Variants in NIM1K observed in about 807,000 individuals in gnomAD.
NIM1K encodes the protein NIM1 serine/threonine protein kinase.
NIM1K carries 35 observed loss-of-function variants against 37.1 expected under a neutral mutation model. The ratio of observed to expected loss-of-function variants is 0.94; its 90% confidence interval spans 0.72 to 1.25. The LOEUF (loss-of-function observed/expected upper bound fraction) is 1.25. Among genes scored for constraint, NIM1K ranks in the 50% most tolerant of loss-of-function variants. The probability of loss-of-function intolerance (pLI) is 0.00; values close to 1 mark genes in which losing one functional copy is unlikely to be tolerated. For synonymous variants in NIM1K, 234 were observed against 206.6 expected, an observed-to-expected ratio of 1.13 and a Z score of -1.14; for missense variants, 564 against 548.0, an observed-to-expected ratio of 1.03 and a Z score of -0.29.
At chr5:43,232,790 G>A (rs1729595327) in intron 1 of NIM1K, 2 of 1,078,726 alleles carry the variant, frequency 1.9e-6, no homozygotes, top group African/African-American at 3.1e-5. Context: ...TCCATGCACT[G>A]TTCAGCCAGT....
intron 1 of NIM1K, among the ~76,000 whole-genome samples, chr5:43,201,549 T>C (rs1752020606): frequency 6.6e-6 from 1 of 152,212 alleles, no homozygotes; most frequent in South Asian, 2.1e-4. Context: ...TGATTGGATC[T>C]AAGAGCATTC....
intron 1 of NIM1K, among the ~76,000 whole-genome samples, chr5:43,219,628 CTTACAGAT>C (rs1376669020): frequency 6.6e-6 from 1 of 152,186 alleles, no homozygotes; most frequent in Non-Finnish European, 1.5e-5. Flanking sequence ...AGTTGTGTTA[CTTACAGAT>C]TCCATATACA....
Position 43,237,652 on chromosome 5 carries a change from G to A in NIM1K, c.-694-7430G>A, listed in dbSNP as rs554444697. On this transcript the variant is annotated intron_variant, in intron 1 of 3. Coordinates refer to ENST00000326035, the MANE Select transcript of NIM1K (RefSeq NM_153361.4). The stretch of plus-strand genomic sequence containing the variant: ...ACTATTTAGAGCAACCCCACAACCT[G>A]TGCTTCAGAACTCCTATTTCTAGAT... Among the ~76,000 whole-genome samples the A allele has an allele frequency of 5.9e-5, 9 of 152,266 alleles. No individual in the cohort carries two copies. In the East Asian group the frequency reaches 1.7e-3, roughly 29 times the overall value.
intron 2 of NIM1K, among the ~76,000 whole-genome samples, chr5:43,268,993 T>C (rs1285833742): frequency 1.3e-5 from 2 of 151,994 alleles, no homozygotes; most frequent in Non-Finnish European, 2.9e-5. Context: ...TGCTTTAAAG[T>C]CTGTTTTATT....
intron 2 of NIM1K, among the ~76,000 whole-genome samples, chr5:43,258,134 T>C (rs1752973874): frequency 6.6e-6 from 1 of 152,160 alleles, no homozygotes; most frequent in African/African-American, 2.4e-5. Context: ...GTAACCACTA[T>C]TCTGACTTCT....
chr5:43,275,122 T>A (rs1753319004), intron 2 of NIM1K, among the ~76,000 whole-genome samples: 1 of 152,236 alleles, frequency 6.6e-6, no homozygotes, highest in Non-Finnish European at 1.5e-5. Flanking sequence ...AGGAAAACCA[T>A]CTGTGATCTG....
At chr5:43,278,894 A>G (rs1346851536) in intron 3 of NIM1K, among the ~76,000 whole-genome samples, 1 of 152,184 alleles carries the variant, frequency 6.6e-6, no homozygotes, top group African/African-American at 2.4e-5. Flanking sequence ...TATATGACCA[A>G]TCATCATTTA....
Position 43,280,546 on chromosome 5 carries a change from G to C in NIM1K, c.1128G>C (p.Gly376=), listed in dbSNP as rs769890127. 1 of 1,614,144 alleles carries C rather than the reference G, an allele frequency of 6.2e-7. No individual in the cohort carries two copies. Among genetic ancestry groups the C allele is most frequent in the Non-Finnish European group, 8.5e-7 (1 of 1,180,010 alleles). Residue 376 remains glycine (G), a synonymous_variant, in exon 4 of 4, where the codon GGG becomes GGC. Coordinates refer to ENST00000326035, the MANE Select transcript of NIM1K (RefSeq NM_153361.4). ...AAGAGCATATTCGAAATAACCAAGG[G>C]AGAGATGCTCGCAGCTCAATCACAG... ...ITEEHIRNNQ[G]RDARSSITGV...
At position 43,209,974 on chromosome 5, in the gene NIM1K, T is replaced by C. The variant is rs116630053; in HGVS notation, c.-695+17563T>C. 5.1e-3 allele frequency among the ~76,000 whole-genome samples: 781 copies of C among 152,286 alleles called. 3 individuals are homozygous for C. Among genetic ancestry groups the C allele is most frequent in the African/African-American group, 0.014 (566 of 41,554 alleles). On this transcript the variant is annotated intron_variant, in intron 1 of 3. Coordinates refer to ENST00000326035, the MANE Select transcript of NIM1K (RefSeq NM_153361.4). The stretch of plus-strand genomic sequence containing the variant: ...ATCAATTCAGCCAGTGGTTACAGAC[T>C]CTTCCCTGGTGCCCAGAATCTGAAA...
At chr5:43,213,289 C>CCTTTCTTTTCTTTTCTTTT (rs1752245146) in intron 1 of NIM1K, among the ~76,000 whole-genome samples, 1 of 37,816 alleles carries the variant, frequency 2.6e-5, no homozygotes, top group African/African-American at 5.9e-5. Flanking sequence ...TGTTTCCTTT[C>CCTTTCTTTTCTTTTCTTTT]CTTTTCTTTT....
intron 3 of NIM1K, 24 bp from the exon 4 acceptor site, chr5:43,279,956 T>G: frequency 6.3e-7 from 1 of 1,582,580 alleles, no homozygotes; most frequent in Non-Finnish European, 8.6e-7. Context: ...TAAAAATGAC[T>G]TTTCTCTATG....
chr5:43,217,965 G>A (rs1015624160), intron 1 of NIM1K, among the ~76,000 whole-genome samples: 3 of 151,972 alleles, frequency 2.0e-5, no homozygotes, highest in African/African-American at 4.8e-5. Context: ...ACCCACCTTG[G>A]CCTCCCAAAG....
chr5:43,247,969 G>GGAAGA (rs1204968874), intron 2 of NIM1K, among the ~76,000 whole-genome samples: 1 of 152,142 alleles, frequency 6.6e-6, no homozygotes, highest in Non-Finnish European at 1.5e-5. Context: ...CAAGGATAAG[G>GGAAGA]GAAGAGAAGT....
chr5:43,207,639 G>A, intron 1 of NIM1K: 1 of 611,298 alleles, frequency 1.6e-6, no homozygotes, highest in South Asian at 1.4e-5. Context: ...CAGGGGAACT[G>A]TGTCAATCTG....
chr5:43,200,169 G>A (rs773503244), intron 1 of NIM1K, among the ~76,000 whole-genome samples: 8 of 152,076 alleles, frequency 5.3e-5, no homozygotes, highest in Non-Finnish European at 1.2e-4. Context: ...CACTGCACCC[G>A]GCCGTCCTAG....
Position 43,280,199 on chromosome 5 carries a change from T to C in NIM1K, c.781T>C (p.Leu261=), listed in dbSNP as rs1333009433. 6.2e-7 allele frequency: 1 copy of C among 1,614,096 alleles called. No homozygotes were observed. The highest frequency in any genetic ancestry group is 8.5e-7 in the Non-Finnish European group (1 of 1,180,016). ...YVDIWALGVL[L]YFMVTGTMPF... ...GGATATCTGGGCCTTGGGGGTGCTTTTGTACTTCATGGTGACTGGCACCAT... is the reference window on the plus strand; with the variant it reads ...GGATATCTGGGCCTTGGGGGTGCTTCTGTACTTCATGGTGACTGGCACCAT... Residue 261 remains leucine (L), a synonymous_variant, in exon 4 of 4, where the codon TTG becomes CTG. Transcript: ENST00000326035.
At chr5:43,220,811 C>T (rs1349652637) in intron 1 of NIM1K, among the ~76,000 whole-genome samples, 1 of 152,078 alleles carries the variant, frequency 6.6e-6, no homozygotes, top group Non-Finnish European at 1.5e-5. Flanking sequence ...AAATATGACA[C>T]ATAGTTATAA....
At chr5:43,271,085 C>T (rs1753249888) in intron 2 of NIM1K, among the ~76,000 whole-genome samples, 1 of 150,066 alleles carries the variant, frequency 6.7e-6, no homozygotes, top group Non-Finnish European at 1.5e-5. Flanking sequence ...AAGCTTCCAG[C>T]AGCTTCTTTT....
intron 1 of NIM1K, among the ~76,000 whole-genome samples, chr5:43,208,135 C>T (rs75049439): frequency 0.022 from 3,316 of 151,918 alleles, 123 homozygotes; most frequent in African/African-American, 0.076. Context: ...GGTAGATCTT[C>T]AGTTTGAATG....
Sources: allele counts gnomAD v4.1 joint callset (sites outside exome capture counted in the v4.1 genomes callset), GRCh38; gene constraint gnomAD v4.1.1; transcripts MANE v1.5; gene names NCBI Gene and HGNC (gene_info 2026-07-23, HGNC 2026-07-21).